UBE2E2: variants seen among roughly 807,000 people sequenced by gnomAD.
UBE2E2 encodes ubiquitin conjugating enzyme E2 E2.
UBE2E2 carries 6 observed loss-of-function variants against 24.7 expected under a neutral mutation model. That is an observed-to-expected ratio of 0.24 (90% CI 0.13 to 0.48). The LOEUF is 0.48. Among genes scored for constraint, UBE2E2 ranks in the 20% least tolerant of loss-of-function variants. The pLI, the probability that UBE2E2 is intolerant of heterozygous loss-of-function variation, is 0.99. For synonymous variants in UBE2E2, 104 were observed against 83.6 expected, an observed-to-expected ratio of 1.24 and a Z score of -1.33; for missense variants, 169 against 245.0, an observed-to-expected ratio of 0.69 and a Z score of 2.07.
Position 23,387,916 on chromosome 3 carries a change from A to T in UBE2E2, c.228-111692A>T, listed in dbSNP as rs143882764. Among the ~76,000 whole-genome samples the T allele has an allele frequency of 3.3e-5, 5 of 152,242 alleles. No individual in the cohort carries two copies. The East Asian group carries it at 9.6e-4, about 29-fold the overall frequency. On this transcript the variant is annotated intron_variant, in intron 3 of 5. Transcript: ENST00000396703. ...ACATCTAGAATTGTCTTTCAATGTG[A>T]TCTAAAAATAACATACTGCAAAATT...
chr3:23,373,328 G>A (rs979197308), intron 3 of UBE2E2, among the ~76,000 whole-genome samples: 2 of 152,164 alleles, frequency 1.3e-5, no homozygotes, highest in African/African-American at 4.8e-5. Flanking sequence ...CTGTCCTGTG[G>A]GGTAAGCAGG....
At chr3:23,365,146 G>T (rs1696220769) in intron 3 of UBE2E2, among the ~76,000 whole-genome samples, 1 of 152,118 alleles carries the variant, frequency 6.6e-6, no homozygotes. Context: ...AGCCACCTAT[G>T]ACAAACCCAC....
intron 3 of UBE2E2, among the ~76,000 whole-genome samples, chr3:23,275,837 G>A (rs910506115): frequency 2.0e-5 from 3 of 151,984 alleles, no homozygotes; most frequent in African/African-American, 7.2e-5. Flanking sequence ...GAAAACTTAA[G>A]TTTGTATTTG....
At chr3:23,365,771 T>A (rs963136086) in intron 3 of UBE2E2, among the ~76,000 whole-genome samples, 2 of 152,200 alleles carry the variant, frequency 1.3e-5, no homozygotes, top group African/African-American at 4.8e-5. Flanking sequence ...ATTTTTAAAT[T>A]CGTATGGAAC....
intron 5 of UBE2E2, among the ~76,000 whole-genome samples, chr3:23,567,000 T>G (rs1284289235): frequency 1.3e-5 from 2 of 152,180 alleles, no homozygotes; most frequent in East Asian, 3.8e-4. Context: ...GAAAGTGAAC[T>G]TGACTGTGCC....
chr3:23,261,854 A>AT, intron 3 of UBE2E2, among the ~76,000 whole-genome samples: 1 of 151,950 alleles, frequency 6.6e-6, no homozygotes, highest in East Asian at 1.9e-4. Context: ...CACACACTGA[A>AT]TTTTCTTTAT....
intron 3 of UBE2E2, among the ~76,000 whole-genome samples, chr3:23,251,057 C>G (rs1697561150): frequency 6.6e-6 from 1 of 152,144 alleles, no homozygotes; most frequent in African/African-American, 2.4e-5. Flanking sequence ...CAGGGTCTTG[C>G]TATGTTGCCC....
chr3:23,223,167 A>G (rs373721769), intron 3 of UBE2E2, among the ~76,000 whole-genome samples: 4 of 147,480 alleles, frequency 2.7e-5, no homozygotes, highest in South Asian at 2.2e-4. Flanking sequence ...CTACAGGTAC[A>G]TGCCACCATG....
At chr3:23,422,489 T>G (rs1697826285) in intron 3 of UBE2E2, among the ~76,000 whole-genome samples, 2 of 152,200 alleles carry the variant, frequency 1.3e-5, no homozygotes, top group South Asian at 4.1e-4. Flanking sequence ...ATGAAAATTT[T>G]TAAACTGAGC....
chr3:23,296,660 A>G (rs1472909334), intron 3 of UBE2E2, among the ~76,000 whole-genome samples: 1 of 152,192 alleles, frequency 6.6e-6, no homozygotes, highest in Non-Finnish European at 1.5e-5. Context: ...ATGGCTGCAT[A>G]GTATTCCATG....
At chr3:23,471,886 T>A (rs1165068804) in intron 3 of UBE2E2, among the ~76,000 whole-genome samples, 1 of 151,286 alleles carries the variant, frequency 6.6e-6, no homozygotes, top group African/African-American at 2.4e-5. Flanking sequence ...TTGGAATCAT[T>A]AAGTTGGGAA....
intron 3 of UBE2E2, among the ~76,000 whole-genome samples, chr3:23,273,204 T>C (rs1414859439): frequency 6.6e-6 from 1 of 152,210 alleles, no homozygotes; most frequent in African/African-American, 2.4e-5. Context: ...TAGTAAATTC[T>C]CACAAAAGTT....
intron 3 of UBE2E2, among the ~76,000 whole-genome samples, chr3:23,337,061 GC>G (rs1158091199): frequency 6.6e-6 from 1 of 151,388 alleles, no homozygotes; most frequent in African/African-American, 2.4e-5. Context: ...GATCACTTGA[GC>G]CTGGGAAGCA....
At chr3:23,381,559 G>C (rs1696671855) in intron 3 of UBE2E2, among the ~76,000 whole-genome samples, 1 of 152,150 alleles carries the variant, frequency 6.6e-6, no homozygotes, top group African/African-American at 2.4e-5. Context: ...TACTCTGCTG[G>C]ACCTGTCTGC....
intron 3 of UBE2E2, among the ~76,000 whole-genome samples, chr3:23,239,807 A>T (rs967280182): frequency 6.6e-6 from 1 of 152,186 alleles, no homozygotes; most frequent in Non-Finnish European, 1.5e-5. Context: ...TTGCTTGATG[A>T]TTTGGACTTT....
At chr3:23,214,413 C>T (rs1696417381) in intron 2 of UBE2E2, among the ~76,000 whole-genome samples, 1 of 151,826 alleles carries the variant, frequency 6.6e-6, no homozygotes. Flanking sequence ...ACCGCTATGA[C>T]CAACAGTTTC....
At chr3:23,297,426 G>T (rs1698943673) in intron 3 of UBE2E2, among the ~76,000 whole-genome samples, 1 of 151,836 alleles carries the variant, frequency 6.6e-6, no homozygotes, top group South Asian at 2.1e-4. Context: ...TTTCCTCTAG[G>T]GTTTTTATGG....
chr3:23,485,850 T>G (rs1357614116), intron 3 of UBE2E2, among the ~76,000 whole-genome samples: 1 of 152,074 alleles, frequency 6.6e-6, no homozygotes, highest in African/African-American at 2.4e-5. Flanking sequence ...GTATAGAAAA[T>G]GGAAATTAGA....
chr3:23,491,837 A>G (rs1291082821), intron 3 of UBE2E2, among the ~76,000 whole-genome samples: 1 of 152,214 alleles, frequency 6.6e-6, no homozygotes, highest in Non-Finnish European at 1.5e-5. Flanking sequence ...CAGGGAAACC[A>G]TGCAAGATGC....
Sources: allele counts gnomAD v4.1 joint callset (sites outside exome capture counted in the v4.1 genomes callset), GRCh38; gene constraint gnomAD v4.1.1; transcripts MANE v1.5; gene names NCBI Gene and HGNC (gene_info 2026-07-23, HGNC 2026-07-21).